IPPK: variants seen among roughly 807,000 people sequenced by gnomAD.
IPPK encodes the protein IPK1 homolog.
IPPK carries 22 observed loss-of-function variants against 64.6 expected under a neutral mutation model. The ratio of observed to expected loss-of-function variants is 0.34; its 90% CI spans 0.24 to 0.49. IPPK has a LOEUF of 0.49. IPPK is among the 20% of genes least tolerant of loss of function. The pLI is 0.99. For missense variants in IPPK, 532 were observed against 630.7 expected (o/e 0.84, Z 1.68); for synonymous variants, 262 against 247.2 (o/e 1.06, Z -0.56).
chr9:92,663,630 T>C (rs1015257927), intron 1 of IPPK, among the ~76,000 whole-genome samples: 1 of 152,054 alleles, frequency 6.6e-6, no homozygotes, highest in Non-Finnish European at 1.5e-5. Context: ...AAAACCCCAA[T>C]ACATTAAAAG....
At chr9:92,667,300 C>G in intron 1 of IPPK, among the ~76,000 whole-genome samples, 2 of 152,318 alleles carry the variant, frequency 1.3e-5, no homozygotes, top group Middle Eastern at 3.4e-3. Context: ...CACAAGACCA[C>G]GGACTCCTCC....
intron 2 of IPPK, 31 bp downstream of exon 2, chr9:92,658,603 G>GT (rs1340782438): frequency 1.3e-6 from 2 of 1,564,694 alleles, no homozygotes; most frequent in Non-Finnish European, 1.8e-6. Flanking sequence ...AATAATTGTT[G>GT]TAAGTCTGGG....
intron 1 of IPPK, among the ~76,000 whole-genome samples, chr9:92,663,630 T>A (rs1015257927): frequency 1.1e-4 from 16 of 152,054 alleles, no homozygotes; most frequent in Non-Finnish European, 5.9e-5. Context: ...AAAACCCCAA[T>A]ACATTAAAAG....
intron 12 of IPPK, chr9:92,617,784 C>T (rs930340850): frequency 1.1e-5 from 2 of 180,180 alleles, no homozygotes; most frequent in East Asian, 1.5e-4. Flanking sequence ...GGGTTTAGGC[C>T]GGGAAGCTGT....
At chr9:92,619,721 G>A in intron 11 of IPPK, 156 bp from the exon 12 acceptor site, 1 of 678,754 alleles carries the variant, frequency 1.5e-6, no homozygotes, top group Non-Finnish European at 2.6e-6. Context: ...CGGGCGTCAG[G>A]AGGTCGCCCT....
intron 10 of IPPK, among the ~76,000 whole-genome samples, chr9:92,634,789 G>A (rs962182810): frequency 6.6e-6 from 1 of 152,178 alleles, no homozygotes; most frequent in Non-Finnish European, 1.5e-5. Context: ...TGGACACCGC[G>A]GGTGTGGACC....
intron 1 of IPPK, among the ~76,000 whole-genome samples, chr9:92,662,368 A>AT (rs1178670469): frequency 6.6e-6 from 1 of 152,092 alleles, no homozygotes; most frequent in Admixed American, 6.5e-5. Context: ...TCTACTAAAA[A>AT]ACACAAAATT....
chr9:92,652,448 CAAAA>C (rs376104704), intron 4 of IPPK, 121 bp downstream of exon 4: 1,154 of 215,312 alleles, frequency 5.4e-3, no homozygotes, highest in Middle Eastern at 0.016. Context: ...GACTCCGTCT[CAAAA>C]AAAAAAAAAA....
Position 92,660,544 on chromosome 9 carries a change from T to C in IPPK, c.82-1863A>G, listed in dbSNP as rs932222008. On this transcript the variant is annotated intron_variant, in intron 1 of 12. Coordinates refer to ENST00000287996, the MANE Select transcript of IPPK (RefSeq NM_022755.6). ...TCATAAGCTGCACAATGGACTTTTG[T>C]AGCAAAGCAGTCCTGATCAGGGTGA... 7.2e-5 allele frequency among the ~76,000 whole-genome samples: 11 copies of C among 152,334 alleles called. No homozygotes were observed. In the East Asian group the frequency reaches 2.1e-3, roughly 29 times the overall value.
intron 8 of IPPK, among the ~76,000 whole-genome samples, chr9:92,638,671 G>A (rs1263973722): frequency 6.6e-6 from 1 of 152,242 alleles, no homozygotes; most frequent in Non-Finnish European, 1.5e-5. Context: ...GCCCTGAGCA[G>A]ACAAACGTGA....
At chr9:92,664,553 C>T (rs1049974525) in intron 1 of IPPK, among the ~76,000 whole-genome samples, 2 of 152,208 alleles carry the variant, frequency 1.3e-5, no homozygotes, top group Non-Finnish European at 2.9e-5. Context: ...CACACCCACA[C>T]AACTCTCAGA....
intron 11 of IPPK, among the ~76,000 whole-genome samples, chr9:92,627,351 C>T (rs1329445216): frequency 6.6e-6 from 1 of 152,190 alleles, no homozygotes; most frequent in Non-Finnish European, 1.5e-5. Flanking sequence ...AACACCAACT[C>T]ATTCTATGAG....
intron 6 of IPPK, among the ~76,000 whole-genome samples, chr9:92,646,004 T>C (rs1404535620): frequency 2.0e-5 from 3 of 152,164 alleles, no homozygotes; most frequent in Non-Finnish European, 4.4e-5. Context: ...TTCCTCTATA[T>C]AATTTAAGAG....
At chr9:92,639,983 C>G in intron 8 of IPPK, among the ~76,000 whole-genome samples, 1 of 152,194 alleles carries the variant, frequency 6.6e-6, no homozygotes, top group South Asian at 2.1e-4. Flanking sequence ...GCTTCCAGTT[C>G]ACCAGTCACC....
chr9:92,652,583 A>G lies in IPPK; in HGVS notation c.282T>C (p.Ser94=). Residue 94 remains serine, a synonymous_variant, in exon 4 of 13, where the codon TCT becomes TCC. Coordinates refer to ENST00000287996, the MANE Select transcript of IPPK (RefSeq NM_022755.6). ...GTTAAACACCCTTACCTGGTCTTTC[A>G]GATTGTATCTTTAAACAAAGCTGTT... is the stretch of plus-strand genomic sequence containing the variant. ...FVKQLCLKIQ[S]ERPESRCDKD... is the part of the protein sequence containing the mutation. The G allele has an allele frequency of 1.3e-6, 2 of 1,554,968 alleles. No homozygotes were observed. The highest frequency in any genetic ancestry group is 1.8e-6 in the Non-Finnish European group (2 of 1,136,828).
At chr9:92,656,341 G>A (rs1331340970) in intron 3 of IPPK, 115 bp downstream of exon 3, 8 of 705,694 alleles carry the variant, frequency 1.1e-5, no homozygotes, top group Non-Finnish European at 1.6e-5. Flanking sequence ...GAAACACTTG[G>A]AGACTAGCTG....
intron 4 of IPPK, among the ~76,000 whole-genome samples, chr9:92,650,059 C>T (rs2131450832): frequency 1.3e-5 from 2 of 150,214 alleles, no homozygotes; most frequent in Admixed American, 1.3e-4. Context: ...CACGGTGGCT[C>T]ACACCTGTAA....
At chr9:92,622,633 T>C (rs1587619257) in intron 11 of IPPK, among the ~76,000 whole-genome samples, 2 of 152,010 alleles carry the variant, frequency 1.3e-5, no homozygotes, top group East Asian at 3.8e-4. Flanking sequence ...AAAGTTTAAA[T>C]GTCCATGTTG....
At chr9:92,618,368 G>A (rs1002218790) in intron 12 of IPPK, 7 of 456,484 alleles carry the variant, frequency 1.5e-5, no homozygotes, top group Admixed American at 4.7e-5. Flanking sequence ...AGCTTTCCCC[G>A]CATGCTGGCT....
Sources: gnomAD v4.1 joint callset for allele counts (sites outside exome capture counted in the v4.1 genomes callset) on GRCh38, gnomAD v4.1.1 for gene constraint, MANE v1.5 for transcripts, NCBI Gene and HGNC (gene_info 2026-07-23, HGNC 2026-07-21) for gene names.